The following PPM1H variants were observed in gnomAD, a reference collection of about 807,000 sequenced individuals.
PPM1H encodes the protein protein phosphatase, Mg2+/Mn2+ dependent 1H.
In PPM1H, 27 loss-of-function variants were observed where a neutral mutation model predicts 54.9. That is an observed-to-expected ratio of 0.49 (90% confidence interval 0.36 to 0.68). The LOEUF (loss-of-function observed/expected upper bound fraction) is 0.68. PPM1H is among the 30% of genes least tolerant of loss of function. The pLI, the probability that PPM1H is intolerant of heterozygous loss-of-function variation, is 0.00. For missense variants in PPM1H, 596 were observed against 667.8 expected (o/e 0.89, Z 1.19); for synonymous variants, 305 against 270.8 (o/e 1.13, Z -1.24).
intron 4 of PPM1H, among the ~76,000 whole-genome samples, chr12:62,766,991 G>C (rs1012202708): frequency 2.0e-5 from 3 of 152,190 alleles, no homozygotes; most frequent in Non-Finnish European, 2.9e-5. Context: ...CAACAAATAG[G>C]CTTGCTCAGT....
chr12:62,653,043 T>C (rs536431569), intron 9 of PPM1H, among the ~76,000 whole-genome samples: 13 of 152,374 alleles, frequency 8.5e-5, no homozygotes, highest in South Asian at 6.2e-4. Flanking sequence ...CCTCAGCAGT[T>C]TGAAGACATT....
chr12:62,791,348 A>T (rs950845493), intron 3 of PPM1H, among the ~76,000 whole-genome samples: 9 of 152,196 alleles, frequency 5.9e-5, no homozygotes, highest in Non-Finnish European at 1.3e-4. Context: ...GAAGGAAAAC[A>T]TCAAGATGCC....
At position 62,706,781 on chromosome 12, in the gene PPM1H, A is replaced by G. The variant is rs140905788; in HGVS notation, c.1074-12782T>C. Reference sequence around the variant, plus strand: ...CATAAATGCCACAAAATGGCATGAGATGCAAAAGAATGTTTAATTATTAAT... The same window carrying G: ...CATAAATGCCACAAAATGGCATGAGGTGCAAAAGAATGTTTAATTATTAAT... On this transcript the variant is annotated intron_variant, in intron 6 of 9. Coordinates refer to ENST00000228705, the MANE Select transcript of PPM1H (RefSeq NM_020700.2). Among the ~76,000 whole-genome samples the G allele has an allele frequency of 4.4e-4, 67 of 152,330 alleles. No homozygotes were observed. In the East Asian group the frequency reaches 0.011, roughly 25 times the overall value.
intron 1 of PPM1H, among the ~76,000 whole-genome samples, chr12:62,918,526 C>A (rs1219392193): frequency 6.6e-6 from 1 of 152,180 alleles, no homozygotes; most frequent in Non-Finnish European, 1.5e-5. Context: ...CTTCCCAAAA[C>A]AATTTTCAAT....
chr12:62,717,587 AT>A (rs576758051), intron 6 of PPM1H, among the ~76,000 whole-genome samples: 1,607 of 150,164 alleles, frequency 0.011, 5 homozygotes, highest in Non-Finnish European at 0.015. Flanking sequence ...ACTTAGCTAC[AT>A]TTTTTTTTTA....
intron 2 of PPM1H, among the ~76,000 whole-genome samples, chr12:62,804,499 T>C (rs1270619544): frequency 6.6e-6 from 1 of 152,236 alleles, no homozygotes; most frequent in Admixed American, 6.5e-5. Context: ...TTATTTCATA[T>C]GATTTAGAAA....
intron 1 of PPM1H, among the ~76,000 whole-genome samples, chr12:62,833,070 C>T (rs1868399295): frequency 6.6e-6 from 1 of 152,182 alleles, no homozygotes. Context: ...TTCCGCACCG[C>T]TTTCTTCTTA....
chr12:62,687,172 C>T (rs929321104), intron 8 of PPM1H, among the ~76,000 whole-genome samples: 6 of 152,248 alleles, frequency 3.9e-5, no homozygotes, highest in Non-Finnish European at 8.8e-5. Flanking sequence ...GCTGTGGAGG[C>T]TTTGCAGGGC....
chr12:62,753,344 C>G (rs565024079), intron 4 of PPM1H, among the ~76,000 whole-genome samples: 12 of 152,290 alleles, frequency 7.9e-5, no homozygotes, highest in Non-Finnish European at 1.2e-4. Flanking sequence ...TCCTCATGCT[C>G]GAAAGAGTTC....
chr12:62,808,615 C>G (rs1279663750), intron 2 of PPM1H, among the ~76,000 whole-genome samples: 1 of 152,082 alleles, frequency 6.6e-6, no homozygotes, highest in African/African-American at 2.4e-5. Flanking sequence ...TCAAATCCCA[C>G]CCACACCAAA....
intron 1 of PPM1H, among the ~76,000 whole-genome samples, chr12:62,838,723 C>T (rs1868595884): frequency 9.6e-6 from 1 of 104,294 alleles, no homozygotes; most frequent in African/African-American, 4.8e-5. Flanking sequence ...AGATCGAGAC[C>T]ATCCTGGCTA....
At chr12:62,916,184 G>A (rs761063753) in intron 1 of PPM1H, among the ~76,000 whole-genome samples, 4 of 152,194 alleles carry the variant, frequency 2.6e-5, no homozygotes, top group Non-Finnish European at 5.9e-5. Context: ...TACACTCCAT[G>A]AGGAGGTTTA....
chr12:62,906,365 C>T (rs1871302080), intron 1 of PPM1H, among the ~76,000 whole-genome samples: 1 of 152,194 alleles, frequency 6.6e-6, no homozygotes, highest in Admixed American at 6.5e-5. Flanking sequence ...TTCATAATCA[C>T]TGGATCTTTG....
At position 62,879,312 on chromosome 12, in the gene PPM1H, TG is replaced by T. The variant is rs1422500419; in HGVS notation, c.246-47034del. ...CATTAGAATATTCTGTAGTGCTTCA[TG>T]TATGTTTATTGCAGCACTATTCACA... On this transcript the variant is annotated intron_variant, in intron 1 of 9. Transcript: ENST00000228705. Among the ~76,000 whole-genome samples the T allele has an allele frequency of 3.9e-5, 6 of 152,314 alleles. No homozygotes were observed. The East Asian group carries it at 1.2e-3, about 29-fold the overall frequency.
At chr12:62,763,555 C>T (rs547223882) in intron 4 of PPM1H, among the ~76,000 whole-genome samples, 7 of 152,332 alleles carry the variant, frequency 4.6e-5, no homozygotes, top group East Asian at 3.9e-4. Flanking sequence ...TGCCAGTCCT[C>T]GGCTCATTTC....
intron 1 of PPM1H, chr12:62,933,977 C>T (rs1190577374): frequency 6.5e-6 from 1 of 153,306 alleles, no homozygotes; most frequent in African/African-American, 2.4e-5. Context: ...AAACTGAGAC[C>T]TTCGGAAATG....
At chr12:62,816,615 G>T (rs1160445971) in intron 2 of PPM1H, among the ~76,000 whole-genome samples, 3 of 152,070 alleles carry the variant, frequency 2.0e-5, no homozygotes, top group Non-Finnish European at 4.4e-5. Flanking sequence ...AACACTTCTG[G>T]TTTCAAACAT....
intron 1 of PPM1H, among the ~76,000 whole-genome samples, chr12:62,860,753 C>T (rs995910575): frequency 1.3e-5 from 2 of 152,198 alleles, no homozygotes; most frequent in Non-Finnish European, 2.9e-5. Context: ...ATAACCTCTG[C>T]CTTCTAAAGA....
chr12:62,904,229 A>G (rs181834069), intron 1 of PPM1H, among the ~76,000 whole-genome samples: 291 of 152,130 alleles, frequency 1.9e-3, no homozygotes, highest in African/African-American at 6.2e-3. Flanking sequence ...GTACAAAATT[A>G]GTTCTTCATA....
Sources: gnomAD v4.1 joint callset for allele counts (sites outside exome capture counted in the v4.1 genomes callset) on GRCh38, gnomAD v4.1.1 for gene constraint, MANE v1.5 for transcripts, NCBI Gene and HGNC (gene_info 2026-07-23, HGNC 2026-07-21) for gene names.